OR1A1: variants seen among roughly 807,000 people sequenced by gnomAD.
The protein encoded by OR1A1 is olfactory receptor 1A1.
For missense variants in OR1A1, 391 were observed against 379.9 expected (o/e 1.03, Z -0.24); for synonymous variants, 145 against 147.8 (o/e 0.98, Z 0.13).
rs2048424880 is a variant in OR1A1 at position 3,208,670 on chromosome 17, T to C, written c.-467T>C. On this transcript the variant is annotated 5_prime_UTR_variant, in exon 2 of 4. Coordinates refer to ENST00000641732, the MANE Select transcript of OR1A1 (RefSeq NM_014565.3). The stretch of plus-strand genomic sequence containing the variant: ...GTGGGTATTAAAGGCGCCGCAATGT[T>C]CAAGGCCCTGACGTCATCCCAGTGA... The C allele has an allele frequency of 6.6e-6, 1 of 152,066 alleles. No individual in the cohort carries two copies. The highest frequency in any genetic ancestry group is 1.5e-5 in the Non-Finnish European group (1 of 68,028). The allele number at this position is 152,066 out of a possible 1,614,324, so 9.4% of individuals were successfully genotyped here.
rs187239211 is a variant in OR1A1, at chr17:3,209,354, G to A, written c.-139+356G>A. Among the ~76,000 whole-genome samples the A allele has an allele frequency of 6.6e-5, 10 of 152,194 alleles. No homozygotes were observed. In the East Asian group the frequency reaches 1.9e-3, roughly 29 times the overall value. On this transcript the variant is annotated intron_variant, in intron 2 of 3. Coordinates refer to ENST00000641732, the MANE Select transcript of OR1A1 (RefSeq NM_014565.3). Reference sequence around the variant, plus strand: ...ATAAATATTGCAGGCCAGGTGTGGTGGCTTATGCCGGGAATTTCAATACTT... The same window carrying A: ...ATAAATATTGCAGGCCAGGTGTGGTAGCTTATGCCGGGAATTTCAATACTT...
At chr17:3,213,406 A>C (rs780450677) in intron 3 of OR1A1, 1 of 152,232 alleles carries the variant, frequency 6.6e-6, no homozygotes, top group Non-Finnish European at 1.5e-5. Flanking sequence ...TACATCCCTC[A>C]TACCTAGCAC....
At chr17:3,215,528 C>T (rs1375641945) in intron 3 of OR1A1, 88 bp from the exon 4 acceptor site, 6 of 967,680 alleles carry the variant, frequency 6.2e-6, no homozygotes, top group Non-Finnish European at 9.2e-6. Context: ...AGCTGAATCA[C>T]TTAAGTCAGA....
Position 3,216,240 on chromosome 17 carries a change from C to T in OR1A1, c.620C>T (p.Ser207Phe), listed in dbSNP as rs1354579436. Residue 207 changes from serine (S) to phenylalanine (F), a missense_variant, in exon 4 of 4, where the codon TCT (serine) becomes TTT (phenylalanine). Physicochemically the swap from Ser to Phe is radical, Grantham distance 155. Transcript: ENST00000641732. Reference sequence around the variant, plus strand: ...ATGTACCTAGGGGTTGGCATTTTCTCTGTGCCATTACTATGCATCATTGTC... The same window carrying T: ...ATGTACCTAGGGGTTGGCATTTTCTTTGTGCCATTACTATGCATCATTGTC... ...KMMYLGVGIF[S>F]VPLLCIIVSY... 1 of 1,614,202 alleles carries T rather than the reference C, an allele frequency of 6.2e-7. No individual in the cohort carries two copies.
intron 3 of OR1A1, chr17:3,213,421 T>G (rs537471811): frequency 4.6e-5 from 7 of 152,332 alleles, no homozygotes; most frequent in African/African-American, 1.7e-4. Flanking sequence ...TAGCACATGA[T>G]TCAAACATGT....
At position 3,207,925 on chromosome 17, in the gene OR1A1, T is replaced by C. The variant is rs2048419408; in HGVS notation, c.-632T>C. ...TGAACTGACTCCACAGATAGGGACT[T>C]AGACATTGGAAGAGACTGTATCACA... On this transcript the variant is annotated 5_prime_UTR_variant, in exon 1 of 4. Transcript: ENST00000641732. 1 of 152,202 alleles carries C rather than the reference T, an allele frequency of 6.6e-6. No individual in the cohort carries two copies. The highest frequency in any genetic ancestry group is 1.5e-5 in the Non-Finnish European group (1 of 68,044). 9.4% of individuals were successfully genotyped at this position (152,202 alleles called of 1,614,324 possible).
rs190045892 is a variant in OR1A1 at position 3,209,188 on chromosome 17, G to A, written c.-139+190G>A. Among the ~76,000 whole-genome samples, 675 of 151,432 alleles carry A rather than the reference G, an allele frequency of 4.5e-3. 7 individuals are homozygous for A. The highest frequency in any genetic ancestry group is 0.015 in the African/African-American group (637 of 41,236). On this transcript the variant is annotated intron_variant, in intron 2 of 3. Transcript: ENST00000641732. Reference sequence around the variant, plus strand: ...TTGTCTTTTATCCCTCGCCCCCTTCGCACTCTTCCCCCCGAGTCCCCAAAG... The same window carrying A: ...TTGTCTTTTATCCCTCGCCCCCTTCACACTCTTCCCCCCGAGTCCCCAAAG...
intron 2 of OR1A1, among the ~76,000 whole-genome samples, chr17:3,209,480 T>A (rs2048430330): frequency 6.6e-6 from 1 of 152,144 alleles, no homozygotes; most frequent in South Asian, 2.1e-4. Flanking sequence ...GTTAAATTAT[T>A]TTTATTATTT....
chr17:3,218,017 CATCT>C lies in OR1A1; in HGVS notation c.*1471_*1474del, dbSNP rs1405616729. ...CTACAGAATGGGAGAAAATTTTTGCCATCTATCCATCTGACAAAGGGCTAATATC... is the reference window on the plus strand; with the variant it reads ...CTACAGAATGGGAGAAAATTTTTGCCATCCATCTGACAAAGGGCTAATATC... On this transcript the variant is annotated 3_prime_UTR_variant, in exon 4 of 4. Coordinates refer to ENST00000641732, the MANE Select transcript of OR1A1 (RefSeq NM_014565.3). 6.6e-6 allele frequency: 1 copy of C among 152,022 alleles called. No homozygotes were observed. Among genetic ancestry groups the C allele is most frequent in the Non-Finnish European group, 1.5e-5 (1 of 67,992 alleles). The allele number at this position is 152,022 out of a possible 1,614,324, so 9.4% of individuals were successfully genotyped here. A position where few individuals can be genotyped will look rare whatever the true frequency, so the allele number is the denominator to read the frequency against.
chr17:3,216,002 C>G lies in OR1A1; in HGVS notation c.382C>G (p.Arg128Gly), dbSNP rs148660594. ...ATATGATCGAGCTGTGGCCATCAGC[C>G]GCCCACTTCACTACACAACAATTAT... ...MAYDRAVAIS[R>G]PLHYTTIMSP... Residue 128 changes from arginine to glycine, a missense_variant, in exon 4 of 4, where the codon CGC (arginine) becomes GGC (glycine). Arg to Gly is a moderately radical substitution (Grantham distance 125). Transcript: ENST00000641732. 1 of 1,613,966 alleles carries G rather than the reference C, an allele frequency of 6.2e-7. No individual in the cohort carries two copies. Among genetic ancestry groups the G allele is most frequent in the Admixed American group, 1.7e-5 (1 of 59,992 alleles).
At position 3,215,959 on chromosome 17, in the gene OR1A1, T is replaced by C. The variant is rs766704536; in HGVS notation, c.339T>C (p.Tyr113=). The C allele has an allele frequency of 1.1e-5, 17 of 1,614,056 alleles. No individual in the cohort carries two copies. Among genetic ancestry groups the C allele is most frequent in the South Asian group, 2.2e-5 (2 of 91,076 alleles). Residue 113 remains tyrosine, a synonymous_variant, in exon 4 of 4, where the codon TAT becomes TAC. Coordinates refer to ENST00000641732, the MANE Select transcript of OR1A1 (RefSeq NM_014565.3). The stretch of plus-strand genomic sequence containing the variant: ...TAGCCTTGGGTAACACAGACAGCTA[T>C]ATTTTGGCTGCAATGGCATATGATC... ...FMIALGNTDS[Y]ILAAMAYDRA...
chr17:3,213,964 T>C (rs755944342), intron 3 of OR1A1: 1 of 152,054 alleles, frequency 6.6e-6, no homozygotes, highest in African/African-American at 2.4e-5. Context: ...AGTCAAGCAG[T>C]TGAGTTAGCA....
chr17:3,213,710 C>T (rs564049256), intron 3 of OR1A1: 1 of 152,308 alleles, frequency 6.6e-6, no homozygotes, highest in African/African-American at 2.4e-5. Context: ...TGTTCAGCCT[C>T]CTCTCCATTT....
At chr17:3,212,649 T>C (rs570196149) in intron 3 of OR1A1, 50 bp downstream of exon 3, 2 of 152,290 alleles carry the variant, frequency 1.3e-5, no homozygotes, top group South Asian at 4.1e-4. Flanking sequence ...AGAGAGAAAA[T>C]CAAACTTCTT....
intron 3 of OR1A1, chr17:3,213,408 A>G: frequency 6.6e-6 from 1 of 152,190 alleles, no homozygotes. Context: ...CATCCCTCAT[A>G]CCTAGCACAT....
rs368456833 is a variant in OR1A1, at chr17:3,216,927, A to G, written c.*377A>G. The G allele has an allele frequency of 3.5e-5, 6 of 173,528 alleles. No individual in the cohort carries two copies. Among genetic ancestry groups the G allele is most frequent in the South Asian group, 1.6e-4 (1 of 6,280 alleles). The allele number at this position is 173,528 out of a possible 1,614,324, so 10.7% of individuals were successfully genotyped here. A position where few individuals can be genotyped will look rare whatever the true frequency, so the allele number is the denominator to read the frequency against. ...CTTCCAAGATTATAAATCACTATTC[A>G]TGTGTCCATTTTTATTTGACTGTTA... On this transcript the variant is annotated 3_prime_UTR_variant, in exon 4 of 4. Coordinates refer to ENST00000641732, the MANE Select transcript of OR1A1 (RefSeq NM_014565.3).
At chr17:3,209,074 T>C (rs12941112) in intron 2 of OR1A1, 76 bp downstream of exon 2, 37,975 of 152,028 alleles carry the variant, frequency 0.25, 5,555 homozygotes, top group East Asian at 0.57. Context: ...GTACAGGTGG[T>C]ATTTGGTTAC....
chr17:3,216,059 G>A lies in OR1A1; in HGVS notation c.439G>A (p.Gly147Arg). 1 of 1,614,090 alleles carries A rather than the reference G, an allele frequency of 6.2e-7. No homozygotes were observed. The highest frequency in any genetic ancestry group is 8.5e-7 in the Non-Finnish European group (1 of 1,180,030). The change falls in exon 4 of 4, where the codon GGG (glycine) becomes AGG (arginine). Residue 147 changes from glycine to arginine, a missense_variant. By Grantham distance (125) the Gly-to-Arg change is moderately radical. Coordinates refer to ENST00000641732, the MANE Select transcript of OR1A1 (RefSeq NM_014565.3). Reference sequence around the variant, plus strand: ...ACGGTCTTGTATCTGGCTTATTGCTGGGTCTTGGGTGATTGGAAATGCCAA... The same window carrying A: ...ACGGTCTTGTATCTGGCTTATTGCTAGGTCTTGGGTGATTGGAAATGCCAA... ...SPRSCIWLIA[G>R]SWVIGNANAL...
chr17:3,209,058 A>ATTTTC (rs2048427358), intron 2 of OR1A1, 60 bp downstream of exon 2: 1 of 152,172 alleles, frequency 6.6e-6, no homozygotes. Context: ...TCCTTAAGTT[A>ATTTTC]CTGGGGTACA....
Sources: allele counts gnomAD v4.1 joint callset (sites outside exome capture counted in the v4.1 genomes callset), GRCh38; gene constraint gnomAD v4.1.1; transcripts MANE v1.5; gene names NCBI Gene and HGNC (gene_info 2026-07-23, HGNC 2026-07-21).